SESTD1: variants seen among roughly 807,000 people sequenced by gnomAD.
SESTD1 encodes SEC14 and spectrin domain containing 1.
SESTD1 carries 43 observed loss-of-function variants against 101.7 expected under a neutral mutation model. The observed-to-expected ratio is 0.42, with a 90% CI of 0.33 to 0.55. The LOEUF (loss-of-function observed/expected upper bound fraction) is 0.55. Ranked by LOEUF, SESTD1 falls within the 20% of genes least tolerant of loss-of-function variation. SESTD1 has a pLI of 0.07. For synonymous variants in SESTD1, 283 were observed against 286.8 expected, an observed-to-expected ratio of 0.99 and a Z score of 0.13; for missense variants, 647 against 815.1, an observed-to-expected ratio of 0.79 and a Z score of 2.51.
intron 1 of SESTD1, among the ~76,000 whole-genome samples, chr2:179,254,673 G>A (rs2047366757): frequency 6.6e-6 from 1 of 152,104 alleles, no homozygotes; most frequent in South Asian, 2.1e-4. Flanking sequence ...ATCAATCAAA[G>A]CTAGCCCATG....
chr2:179,199,900 A>G (rs1167299477), intron 1 of SESTD1, among the ~76,000 whole-genome samples: 3 of 152,162 alleles, frequency 2.0e-5, no homozygotes, highest in Non-Finnish European at 4.4e-5. Flanking sequence ...CTCCTATTCA[A>G]CATAGTGTTG....
intron 4 of SESTD1, among the ~76,000 whole-genome samples, chr2:179,173,663 C>A (rs775019066): frequency 6.6e-6 from 1 of 152,300 alleles, no homozygotes; most frequent in South Asian, 2.1e-4. Context: ...TTCTACTACA[C>A]TACTTCGTAT....
chr2:179,164,926 G>A (rs7579536), intron 5 of SESTD1, among the ~76,000 whole-genome samples: 69,958 of 152,006 alleles, frequency 0.46, 19,278 homozygotes, highest in African/African-American at 0.78. Context: ...TACTCTTAAC[G>A]AAGTTTTTAA....
At chr2:179,189,539 G>C (rs999519487) in intron 2 of SESTD1, among the ~76,000 whole-genome samples, 2 of 152,128 alleles carry the variant, frequency 1.3e-5, no homozygotes, top group East Asian at 3.9e-4. Flanking sequence ...CTCACCACTT[G>C]TATTCAACAT....
At chr2:179,167,088 G>T (rs2045848337) in intron 5 of SESTD1, among the ~76,000 whole-genome samples, 1 of 152,206 alleles carries the variant, frequency 6.6e-6, no homozygotes, top group Non-Finnish European at 1.5e-5. Context: ...GAGTAAGACA[G>T]ATGCAGATAT....
Position 179,207,439 on chromosome 2 carries a change from C to T in SESTD1, c.-25-15573G>A, listed in dbSNP as rs1214045621. On this transcript the variant is annotated intron_variant, in intron 1 of 17. Coordinates refer to ENST00000428443, the MANE Select transcript of SESTD1 (RefSeq NM_178123.5). Reference sequence around the variant, plus strand: ...CATAACCAGCATTCAGGAAAACCAGCACCAAACAAAACTAAAATCAAGGAC... The same window carrying T: ...CATAACCAGCATTCAGGAAAACCAGTACCAAACAAAACTAAAATCAAGGAC... 2.2e-5 allele frequency among the ~76,000 whole-genome samples: 3 copies of T among 135,416 alleles called. 1 individual carries two copies. In the East Asian group the frequency reaches 6.0e-4, roughly 27 times the overall value. The allele number at this position is 135,416 out of a possible 152,430, so 88.8% of individuals were successfully genotyped here.
At chr2:179,246,928 T>C (rs1325685666) in intron 1 of SESTD1, among the ~76,000 whole-genome samples, 2 of 152,222 alleles carry the variant, frequency 1.3e-5, no homozygotes, top group African/African-American at 2.4e-5. Context: ...TCTGACCAAA[T>C]CCAACTTTGA....
chr2:179,159,964 C>T (rs2045704432), intron 5 of SESTD1, among the ~76,000 whole-genome samples: 1 of 152,222 alleles, frequency 6.6e-6, no homozygotes, highest in African/African-American at 2.4e-5. Flanking sequence ...AAGCAATTCT[C>T]CTGCCTCAGC....
At position 179,230,113 on chromosome 2, in the gene SESTD1, C is replaced by CTTTTTTTTTTTTT. The variant is rs71023474; in HGVS notation, c.-26+34373_-26+34385dup. Among the ~76,000 whole-genome samples the CTTTTTTTTTTTTT allele has an allele frequency of 6.0e-4, 34 of 56,420 alleles. 9 individuals are homozygous for CTTTTTTTTTTTTT. The highest frequency in any genetic ancestry group is 1.8e-3 in the East Asian group (2 of 1,138). 37.0% of individuals were successfully genotyped at this position (56,420 alleles called of 152,430 possible). A position where few individuals can be genotyped will look rare whatever the true frequency, so the allele number is the denominator to read the frequency against. ...AAATATTCCAAACTGGATTGTATCT[C>CTTTTTTTTTTTTT]TTTTTTTTTTTTTTTTTTTTTTTTT... On this transcript the variant is annotated intron_variant, in intron 1 of 17. Transcript: ENST00000428443.
chr2:179,258,651 C>T (rs889478094), intron 1 of SESTD1, among the ~76,000 whole-genome samples: 2 of 152,136 alleles, frequency 1.3e-5, no homozygotes, highest in South Asian at 4.1e-4. Flanking sequence ...AACTGTACTT[C>T]TCAGCTCTCA....
rs114496250 is a variant in SESTD1 at position 179,112,679 on chromosome 2, A to G, written c.1961+45T>C. 14,887 of 1,533,754 alleles carry G rather than the reference A, an allele frequency of 9.7e-3. 107 individuals are homozygous for G. Among genetic ancestry groups the G allele is most frequent in the Non-Finnish European group, 0.012 (13,404 of 1,150,442 alleles). On this transcript the variant is annotated intron_variant, in intron 17 of 17. Coordinates refer to ENST00000428443, the MANE Select transcript of SESTD1 (RefSeq NM_178123.5). ...TTCCTCTTTTAATGATTTCACTTTA[A>G]GACCACACCAATAAAAAATAAAATT...
chr2:179,188,973 G>A (rs866920001), intron 2 of SESTD1, among the ~76,000 whole-genome samples: 1 of 152,080 alleles, frequency 6.6e-6, no homozygotes, highest in Admixed American at 6.6e-5. Context: ...TGGACTAGAT[G>A]GATTCACAGC....
At chr2:179,149,166 G>C (rs915841838) in intron 7 of SESTD1, 131 bp downstream of exon 7, 2 of 437,934 alleles carry the variant, frequency 4.6e-6, no homozygotes, top group African/African-American at 4.4e-5. Context: ...CACGAATATT[G>C]TACGTCAATT....
At chr2:179,229,973 A>G (rs2046958632) in intron 1 of SESTD1, among the ~76,000 whole-genome samples, 1 of 150,614 alleles carries the variant, frequency 6.6e-6, no homozygotes, top group South Asian at 2.1e-4. Context: ...ATAGTCACAC[A>G]TAGTTGTTGC....
At chr2:179,242,114 T>C (rs187484559) in intron 1 of SESTD1, among the ~76,000 whole-genome samples, 363 of 152,192 alleles carry the variant, frequency 2.4e-3, no homozygotes, top group Middle Eastern at 0.014. Context: ...ATGGGCTCAG[T>C]AGAGTCTCAG....
At chr2:179,125,868 G>A (rs1416925412) in intron 10 of SESTD1, among the ~76,000 whole-genome samples, 6 of 151,898 alleles carry the variant, frequency 4.0e-5, no homozygotes, top group Non-Finnish European at 7.4e-5. Flanking sequence ...CCAACCCTCC[G>A]TTCTTCTACA....
At chr2:179,116,853 T>C in intron 14 of SESTD1, 63 bp from the exon 15 acceptor site, 2 of 1,570,902 alleles carry the variant, frequency 1.3e-6, no homozygotes, top group Non-Finnish European at 1.7e-6. Flanking sequence ...TATCAAAATG[T>C]CATTTATACA....
intron 2 of SESTD1, among the ~76,000 whole-genome samples, chr2:179,190,289 G>A (rs956898872): frequency 6.6e-6 from 1 of 151,930 alleles, no homozygotes; most frequent in Non-Finnish European, 1.5e-5. Context: ...ACGCAATGGG[G>A]AAAGAACTAC....
At chr2:179,217,120 A>G (rs1197085384) in intron 1 of SESTD1, among the ~76,000 whole-genome samples, 1 of 152,210 alleles carries the variant, frequency 6.6e-6, no homozygotes, top group Non-Finnish European at 1.5e-5. Context: ...AACAAAAGCC[A>G]AAATTGACAA....
Sources: allele counts gnomAD v4.1 joint callset (sites outside exome capture counted in the v4.1 genomes callset), GRCh38; gene constraint gnomAD v4.1.1; transcripts MANE v1.5; gene names NCBI Gene and HGNC (gene_info 2026-07-23, HGNC 2026-07-21).